ZNF131: variants seen among roughly 807,000 people sequenced by gnomAD.
ZNF131 encodes zinc finger protein 131.
Under a neutral mutation model 60.0 loss-of-function variants are expected in ZNF131, and 7 were observed. That is an observed-to-expected ratio of 0.12 (90% CI 0.07 to 0.22). The LOEUF is 0.22. Among genes scored for constraint, ZNF131 ranks in the 10% least tolerant of loss-of-function variants. The pLI, the probability that ZNF131 is intolerant of heterozygous loss-of-function variation, is 1.00. For synonymous variants in ZNF131, 257 were observed against 253.2 expected, an observed-to-expected ratio of 1.01 and a Z score of -0.14; for missense variants, 493 against 740.9, an observed-to-expected ratio of 0.67 and a Z score of 3.88.
At chr5:43,153,712 C>T (rs997706370) in intron 4 of ZNF131, among the ~76,000 whole-genome samples, 4 of 152,088 alleles carry the variant, frequency 2.6e-5, no homozygotes, top group African/African-American at 7.2e-5. Context: ...ATATTACTTC[C>T]CTCCCCTTCT....
chr5:43,151,785 A>G (rs959671625), intron 4 of ZNF131, among the ~76,000 whole-genome samples: 5 of 152,116 alleles, frequency 3.3e-5, no homozygotes, highest in African/African-American at 1.2e-4. Context: ...CTTCCACACA[A>G]GAAGCACAGT....
At position 43,174,436 on chromosome 5, in the gene ZNF131, G is replaced by T. The variant is rs1751358184; in HGVS notation, c.1186-11G>T. On this transcript the variant is annotated splice_polypyrimidine_tract_variant and intron_variant, in intron 6 of 6. Transcript: ENST00000682664. Reference sequence around the variant, plus strand: ...TAAGTATTGTCTACATCATATTTTTGGTTATTTCAGGTCTGCAACAGTGTG... The same window carrying T: ...TAAGTATTGTCTACATCATATTTTTTGTTATTTCAGGTCTGCAACAGTGTG... 3 of 1,512,882 alleles carry T rather than the reference G, an allele frequency of 2.0e-6. No homozygotes were observed. Among genetic ancestry groups the T allele is most frequent in the South Asian group, 2.7e-5 (2 of 74,132 alleles). 93.7% of individuals were successfully genotyped at this position (1,512,882 alleles called of 1,614,324 possible). A position where few individuals can be genotyped will look rare whatever the true frequency, so the allele number is the denominator to read the frequency against.
At chr5:43,143,898 CTTTTTTTTTTTTTTT>C (rs79246574) in intron 4 of ZNF131, among the ~76,000 whole-genome samples, 9 of 34,994 alleles carry the variant, frequency 2.6e-4, no homozygotes, top group South Asian at 1.2e-3. Context: ...ATTGTCAGAG[CTTTTTTTTTTTTTTT>C]TTTTTTTTTT....
intron 2 of ZNF131, among the ~76,000 whole-genome samples, chr5:43,122,906 G>T (rs1744056542): frequency 6.6e-6 from 1 of 152,176 alleles, no homozygotes; most frequent in African/African-American, 2.4e-5. Context: ...AACTGAGTTG[G>T]ATATGCTTCT....
intron 3 of ZNF131, among the ~76,000 whole-genome samples, chr5:43,127,219 G>A (rs964089994): frequency 1.5e-4 from 23 of 152,250 alleles, no homozygotes; most frequent in African/African-American, 5.3e-4. Flanking sequence ...TAATGACTTA[G>A]CATGGCACAT....
At chr5:43,149,691 T>C (rs900267807) in intron 4 of ZNF131, among the ~76,000 whole-genome samples, 1 of 152,232 alleles carries the variant, frequency 6.6e-6, no homozygotes, top group Non-Finnish European at 1.5e-5. Flanking sequence ...CACAGCCTTG[T>C]GAATACTTGA....
intron 2 of ZNF131, among the ~76,000 whole-genome samples, 175 bp downstream of exon 2, chr5:43,122,352 A>G (rs1160461797): frequency 6.7e-6 from 1 of 150,208 alleles, no homozygotes; most frequent in East Asian, 2.0e-4. Flanking sequence ...GTCCACTCAC[A>G]CAGCGTGCTG....
At chr5:43,171,539 CAA>C (rs1054890015) in intron 5 of ZNF131, among the ~76,000 whole-genome samples, 83 of 152,288 alleles carry the variant, frequency 5.5e-4, no homozygotes, top group African/African-American at 1.8e-3. Context: ...GCCTAGGCAA[CAA>C]GAGCGAAACT....
intron 3 of ZNF131, 136 bp from the exon 4 acceptor site, chr5:43,139,029 T>C: frequency 1.4e-6 from 1 of 695,328 alleles, no homozygotes; most frequent in East Asian, 3.1e-5. Flanking sequence ...GTATTGCTAA[T>C]GAGAATTTTT....
intron 3 of ZNF131, among the ~76,000 whole-genome samples, chr5:43,130,056 A>G (rs1488556502): frequency 2.0e-5 from 3 of 151,436 alleles, no homozygotes; most frequent in Non-Finnish European, 4.4e-5. Flanking sequence ...GCCTGAGCTC[A>G]GGAGTTCGAG....
intron 3 of ZNF131, among the ~76,000 whole-genome samples, chr5:43,128,200 G>A (rs1466349266): frequency 1.3e-5 from 2 of 152,322 alleles, no homozygotes; most frequent in East Asian, 3.9e-4. Flanking sequence ...GTAAGGGATT[G>A]CTGAGATTTG....
chr5:43,139,005 G>T (rs550605997), intron 3 of ZNF131, among the ~76,000 whole-genome samples, 160 bp from the exon 4 acceptor site: 1 of 152,114 alleles, frequency 6.6e-6, no homozygotes, highest in Non-Finnish European at 1.5e-5. Flanking sequence ...CTGAAATTTG[G>T]CTGTAATATT....
chr5:43,149,551 C>A (rs930232489), intron 4 of ZNF131, among the ~76,000 whole-genome samples: 6 of 152,104 alleles, frequency 3.9e-5, no homozygotes, highest in Non-Finnish European at 8.8e-5. Context: ...TTGGTAGATA[C>A]CTCTTAGTAG....
At chr5:43,135,513 C>T (rs560643151) in intron 3 of ZNF131, among the ~76,000 whole-genome samples, 1 of 151,738 alleles carries the variant, frequency 6.6e-6, no homozygotes, top group East Asian at 2.0e-4. Flanking sequence ...CTTTGGGAGG[C>T]GGAGGCGGGT....
chr5:43,124,106 T>C (rs1353106169), intron 3 of ZNF131: 1 of 149,702 alleles, frequency 6.7e-6, no homozygotes, highest in Non-Finnish European at 1.5e-5. Flanking sequence ...TCTTTTCTTT[T>C]CTTTTCAAAA....
At chr5:43,123,570 C>A in intron 3 of ZNF131, 1 of 309,236 alleles carries the variant, frequency 3.2e-6, no homozygotes, top group Non-Finnish European at 5.9e-6. Context: ...AGATGTTGGT[C>A]TTTTCCATTG....
At chr5:43,165,420 C>G (rs150727573) in intron 5 of ZNF131, among the ~76,000 whole-genome samples, 26 of 152,284 alleles carry the variant, frequency 1.7e-4, no homozygotes, top group African/African-American at 4.6e-4. Context: ...AAAATTACTT[C>G]TTGATCTGTG....
At chr5:43,134,831 GC>G (rs1745852705) in intron 3 of ZNF131, among the ~76,000 whole-genome samples, 1 of 150,410 alleles carries the variant, frequency 6.6e-6, no homozygotes, top group Non-Finnish European at 1.5e-5. Flanking sequence ...CTCCCGAGTA[GC>G]TGTACAGGCT....
rs1743731405 is a variant in ZNF131, at chr5:43,121,110, GACCCACGAGCTAGGTAAGGCGGGCCA to G, written c.-23_-16+18del. 3 of 143,146 alleles carry G rather than the reference GACCCACGAGCTAGGTAAGGCGGGCCA, an allele frequency of 2.1e-5. No homozygotes were observed. The highest frequency in any genetic ancestry group is 7.5e-5 in the African/African-American group (3 of 39,760). The allele number at this position is 143,146 out of a possible 1,614,324, so 8.9% of individuals were successfully genotyped here. A position where few individuals can be genotyped will look rare whatever the true frequency, so the allele number is the denominator to read the frequency against. ...CTGAGGGACGGAGAGGAAGGAGGGCGACCCACGAGCTAGGTAAGGCGGGCCAACCCAGGTCTCGGAAGGAAGGGGGC... is the reference window on the plus strand; with the variant it reads ...CTGAGGGACGGAGAGGAAGGAGGGCGACCCAGGTCTCGGAAGGAAGGGGGC... On this transcript the variant is annotated splice_donor_variant and splice_donor_5th_base_variant and 5_prime_UTR_variant and intron_variant, in exon 1 of 7. Coordinates refer to ENST00000682664, the MANE Select transcript of ZNF131 (RefSeq NM_001330707.2). LOFTEE classifies it low-confidence loss of function (5UTR_SPLICE).
Sources: gnomAD v4.1 joint callset for allele counts (sites outside exome capture counted in the v4.1 genomes callset) on GRCh38, gnomAD v4.1.1 for gene constraint, MANE v1.5 for transcripts, NCBI Gene and HGNC (gene_info 2026-07-23, HGNC 2026-07-21) for gene names.